PCDHGB4: variants seen among roughly 807,000 people sequenced by gnomAD.
PCDHGB4 encodes protocadherin gamma subfamily B, 4.
A neutral mutation model predicts 60.5 loss-of-function variants in PCDHGB4; 38 were observed. That is an observed-to-expected ratio of 0.63 (90% CI 0.48 to 0.82). The LOEUF (loss-of-function observed/expected upper bound fraction) is 0.82. PCDHGB4 is among the 40% of genes least tolerant of loss of function. PCDHGB4 has a pLI of 0.00. For missense variants in PCDHGB4, 1,109 were observed against 1,209.6 expected (o/e 0.92, Z 1.23); for synonymous variants, 456 against 509.7 (o/e 0.89, Z 1.42).
intron 1 of PCDHGB4, among the ~76,000 whole-genome samples, chr5:141,456,935 C>T (rs894385178): frequency 5.9e-5 from 9 of 152,178 alleles, no homozygotes; most frequent in African/African-American, 2.2e-4. Context: ...TGCACTCCAG[C>T]CTGGGCAACA....
chr5:141,504,158 T>G (rs890874880), intron 2 of PCDHGB4, among the ~76,000 whole-genome samples: 1 of 152,222 alleles, frequency 6.6e-6, no homozygotes, highest in Non-Finnish European at 1.5e-5. Context: ...TGAAATAATT[T>G]CATCCTTGGA....
chr5:141,423,121 G>T lies in PCDHGB4; in HGVS notation c.2397+32840G>T, dbSNP rs368205535. The T allele has an allele frequency of 5.6e-6, 9 of 1,613,680 alleles. No homozygotes were observed. The African/African-American group carries it at 1.1e-4, about 19-fold the overall frequency. ...CACGGGCGAGGTGCGTACAGCGCGG[G>T]CACTGCTGGACAGAGACGCGCTCAA... On this transcript the variant is annotated intron_variant, in intron 1 of 3. Coordinates refer to ENST00000519479, the MANE Select transcript of PCDHGB4 (RefSeq NM_003736.4).
intron 1 of PCDHGB4, chr5:141,441,910 G>A: frequency 2.9e-6 from 1 of 349,440 alleles, no homozygotes; most frequent in Non-Finnish European, 5.5e-6. Flanking sequence ...AGACGCAGAT[G>A]TGAGACACAA....
intron 1 of PCDHGB4, chr5:141,393,707 T>G (rs1296711922): frequency 6.2e-7 from 1 of 1,613,882 alleles, no homozygotes; most frequent in East Asian, 2.2e-5. Flanking sequence ...ATGAAAATAC[T>G]GGGGAAATAT....
Position 141,489,699 on chromosome 5 carries a change from A to G in PCDHGB4, c.2398-5108A>G. ...CAGCAGCATCTGGGGCACGATTCCC[A>G]CTGGACAGTGCCCAGGATCCGGATG... is the stretch of plus-strand genomic sequence containing the variant. On this transcript the variant is annotated intron_variant, in intron 1 of 3. Transcript: ENST00000519479. The surrounding 1 kb of genome is among the most constrained non-coding windows in gnomAD (Gnocchi z 4.5). The G allele has an allele frequency of 6.2e-7, 1 of 1,614,102 alleles. No homozygotes were observed. The highest frequency in any genetic ancestry group is 8.5e-7 in the Non-Finnish European group (1 of 1,179,956).
chr5:141,470,872 T>G, intron 1 of PCDHGB4, among the ~76,000 whole-genome samples: 1 of 151,814 alleles, frequency 6.6e-6, no homozygotes, highest in East Asian at 1.9e-4. Context: ...GTTTGTTTGT[T>G]TTTTTGTTTT....
At chr5:141,457,555 C>A (rs1425159883) in intron 1 of PCDHGB4, among the ~76,000 whole-genome samples, 2 of 152,168 alleles carry the variant, frequency 1.3e-5, no homozygotes. Context: ...GTATGATAAG[C>A]TTTGGAGCAA....
intron 1 of PCDHGB4, chr5:141,393,064 T>C: frequency 6.2e-7 from 1 of 1,613,630 alleles, no homozygotes. Flanking sequence ...AGCGGCAGCT[T>C]GATCACCGCG....
chr5:141,422,165 A>G (rs771382434), intron 1 of PCDHGB4: 3 of 1,569,306 alleles, frequency 1.9e-6, no homozygotes, highest in Admixed American at 4.0e-5. Flanking sequence ...TTTGAAAAAT[A>G]TAGATTCTAT....
intron 1 of PCDHGB4, chr5:141,422,314 C>T: frequency 6.5e-7 from 1 of 1,547,838 alleles, no homozygotes; most frequent in Non-Finnish European, 8.7e-7. Context: ...AAACTCTCCT[C>T]CAGGTACAGT....
intron 1 of PCDHGB4, chr5:141,408,786 C>A: frequency 6.2e-7 from 1 of 1,612,430 alleles, no homozygotes; most frequent in Non-Finnish European, 8.5e-7. Flanking sequence ...CCAGAGTTAT[C>A]TCTGGAGAAA....
At chr5:141,508,124 G>C (rs1248096612) in intron 3 of PCDHGB4, 1 of 152,640 alleles carries the variant, frequency 6.6e-6, no homozygotes, top group Non-Finnish European at 1.5e-5. Flanking sequence ...AGGACAGAGG[G>C]AGGTCAGGGA....
intron 1 of PCDHGB4, chr5:141,414,845 T>C: frequency 1.2e-6 from 2 of 1,614,218 alleles, no homozygotes; most frequent in South Asian, 1.1e-5. Flanking sequence ...CTGTTTGTGC[T>C]GGACCAGAAC....
At chr5:141,421,278 G>A (rs764787116) in intron 1 of PCDHGB4, 1 of 1,612,872 alleles carries the variant, frequency 6.2e-7, no homozygotes, top group African/African-American at 1.3e-5. Flanking sequence ...TGCTGCTGCT[G>A]TGCATTTTCC....
chr5:141,413,140 A>T (rs2095607783), intron 1 of PCDHGB4: 1 of 1,563,150 alleles, frequency 6.4e-7, no homozygotes, highest in Non-Finnish European at 8.7e-7. Flanking sequence ...CAACGTGTCC[A>T]GTGAGGACTT....
In PCDHGB4 at chr5:141,491,552, G is replaced by A. The variant is rs769927075; in HGVS notation, c.2398-3255G>A. 1 of 1,614,008 alleles carries A rather than the reference G, an allele frequency of 6.2e-7. No individual in the cohort carries two copies. The highest frequency in any genetic ancestry group is 1.7e-5 in the Admixed American group (1 of 60,024). On this transcript the variant is annotated intron_variant, in intron 1 of 3. Coordinates refer to ENST00000519479, the MANE Select transcript of PCDHGB4 (RefSeq NM_003736.4). This position sits in a 1 kb window ranked among gnomAD's most constrained non-coding sequence, Gnocchi z 6.9. Reference sequence around the variant, plus strand: ...ACGCTGCGGCCCACAGACTCGCAGAGCCACTGCTACAGGACGTGCTTTTCA... The same window carrying A: ...ACGCTGCGGCCCACAGACTCGCAGAACCACTGCTACAGGACGTGCTTTTCA...
intron 1 of PCDHGB4, chr5:141,399,634 A>C: frequency 6.2e-7 from 1 of 1,613,860 alleles, no homozygotes; most frequent in East Asian, 2.2e-5. Context: ...TTACGTGTCC[A>C]TGAGCGCGCA....
intron 1 of PCDHGB4, among the ~76,000 whole-genome samples, chr5:141,461,390 C>T (rs1220034894): frequency 2.0e-5 from 3 of 152,080 alleles, no homozygotes; most frequent in East Asian, 3.9e-4. Context: ...TGATGATTAG[C>T]GATGTTGAGC....
chr5:141,393,865 C>G lies in PCDHGB4; in HGVS notation c.2397+3584C>G, dbSNP rs770874961. The G allele has an allele frequency of 4.3e-6, 7 of 1,613,838 alleles. No individual in the cohort carries two copies. In the African/African-American group the frequency reaches 8.0e-5, roughly 18 times the overall value. ...AATAGACCAGAAGTGATCATTACGT[C>G]TTTGTTTAGCCCAGTGTTAGAAAAT... On this transcript the variant is annotated intron_variant, in intron 1 of 3. Transcript: ENST00000519479.
Sources: allele counts gnomAD v4.1 joint callset (sites outside exome capture counted in the v4.1 genomes callset), GRCh38; gene constraint gnomAD v4.1.1; non-coding constraint Gnocchi (gnomAD v3.1); transcripts MANE v1.5; gene names NCBI Gene and HGNC (gene_info 2026-07-23, HGNC 2026-07-21).